The following CUX2 variants were observed in gnomAD, a reference collection of about 807,000 sequenced individuals.
CUX2 encodes homeobox protein cut-like 2.
Under a neutral mutation model 144.8 loss-of-function variants are expected in CUX2, and 40 were observed. The observed-to-expected ratio is 0.28, with a 90% CI of 0.21 to 0.36. CUX2 has a LOEUF of 0.36. CUX2 is among the 10% of genes least tolerant of loss of function. The probability of loss-of-function intolerance (pLI) is 1.00; values close to 1 mark genes in which losing one functional copy is unlikely to be tolerated. For missense variants in CUX2, 1,615 were observed against 1,994.0 expected (o/e 0.81, Z 3.62); for synonymous variants, 827 against 875.6 (o/e 0.94, Z 0.98).
chr12:111,291,578 T>C (rs754253998), intron 5 of CUX2, 26 bp downstream of exon 5: 12 of 1,556,662 alleles, frequency 7.7e-6, no homozygotes, highest in Non-Finnish European at 1.0e-5. Context: ...TCTCGGAGCG[T>C]CTACAATAAA....
intron 18 of CUX2, among the ~76,000 whole-genome samples, chr12:111,327,211 G>T (rs964001135): frequency 6.6e-6 from 1 of 152,094 alleles, no homozygotes; most frequent in Non-Finnish European, 1.5e-5. Flanking sequence ...TTCAGTTAAC[G>T]TGTTTTCAAG....
At chr12:111,247,964 T>C (rs112507001) in intron 3 of CUX2, among the ~76,000 whole-genome samples, 262 of 152,360 alleles carry the variant, frequency 1.7e-3, no homozygotes, top group African/African-American at 6.0e-3. Flanking sequence ...TAGAGTGCAG[T>C]GGTGCAATCT....
At chr12:111,169,837 CAG>C (rs1178173941) in intron 1 of CUX2, among the ~76,000 whole-genome samples, 8 of 152,146 alleles carry the variant, frequency 5.3e-5, no homozygotes, top group African/African-American at 1.9e-4. Context: ...CGATTACACA[CAG>C]AGACGTGGTT....
At chr12:111,335,449 G>A (rs1034535111) in intron 19 of CUX2, among the ~76,000 whole-genome samples, 4 of 150,790 alleles carry the variant, frequency 2.7e-5, no homozygotes, top group Admixed American at 1.3e-4. Flanking sequence ...GGTGCCTCAC[G>A]CCTGTAACCT....
chr12:111,213,476 A>T (rs12297115), intron 1 of CUX2, among the ~76,000 whole-genome samples: 9,020 of 152,174 alleles, frequency 0.059, 885 homozygotes, highest in African/African-American at 0.21. Flanking sequence ...ATCCTATAAA[A>T]ACCTGGTCTG....
intron 1 of CUX2, among the ~76,000 whole-genome samples, chr12:111,105,388 C>T (rs181655871): frequency 1.4e-4 from 21 of 152,298 alleles, no homozygotes; most frequent in Admixed American, 9.8e-4. Flanking sequence ...GATTTCTGTC[C>T]GCCTCCTCCC....
At chr12:111,092,487 A>G (rs1872608283) in intron 1 of CUX2, among the ~76,000 whole-genome samples, 1 of 152,196 alleles carries the variant, frequency 6.6e-6, no homozygotes, top group Non-Finnish European at 1.5e-5. Context: ...TTGGGAAGAC[A>G]TCACTGTGGG....
At chr12:111,188,280 G>T (rs560471858) in intron 1 of CUX2, among the ~76,000 whole-genome samples, 4 of 152,364 alleles carry the variant, frequency 2.6e-5, no homozygotes, top group Non-Finnish European at 5.9e-5. Context: ...AATGGCGGAG[G>T]AAGAGGACGA....
chr12:111,241,824 A>G lies in CUX2; in HGVS notation c.223-21937A>G, dbSNP rs536343068. ...CACCCCTGACAGCGTGACACTTTAC[A>G]AAACTCAGCCTTCAGCTATGCAGTC... On this transcript the variant is annotated intron_variant, in intron 3 of 21. Coordinates refer to ENST00000261726, the MANE Select transcript of CUX2 (RefSeq NM_015267.4). Among the ~76,000 whole-genome samples, 4 of 152,394 alleles carry G rather than the reference A, an allele frequency of 2.6e-5. No individual in the cohort carries two copies. In the East Asian group the frequency reaches 7.7e-4, roughly 29 times the overall value.
At chr12:111,127,876 T>C (rs1430409300) in intron 1 of CUX2, among the ~76,000 whole-genome samples, 2 of 152,202 alleles carry the variant, frequency 1.3e-5, no homozygotes, top group Admixed American at 6.5e-5. Context: ...TTCCCACTTA[T>C]AAAACCATCA....
At chr12:111,329,201 C>T (rs980632103) in intron 18 of CUX2, among the ~76,000 whole-genome samples, 3 of 151,164 alleles carry the variant, frequency 2.0e-5, no homozygotes, top group African/African-American at 4.9e-5. Context: ...TAAGGAAAGT[C>T]GCGGGCAGAC....
At chr12:111,047,900 T>G (rs1870076684) in intron 1 of CUX2, among the ~76,000 whole-genome samples, 1 of 152,134 alleles carries the variant, frequency 6.6e-6, no homozygotes, top group African/African-American at 2.4e-5. Context: ...TAGGTGACAT[T>G]TAGGCTGAGA....
chr12:111,099,559 G>A (rs1379790870), intron 1 of CUX2: 1 of 456,718 alleles, frequency 2.2e-6, no homozygotes, highest in South Asian at 1.5e-5. Flanking sequence ...GGGCAGACCT[G>A]CCATTTGAAA....
At chr12:111,100,706 T>C (rs1873170615) in intron 1 of CUX2, among the ~76,000 whole-genome samples, 1 of 152,238 alleles carries the variant, frequency 6.6e-6, no homozygotes, top group African/African-American at 2.4e-5. Context: ...TTTGCATGTG[T>C]GTGCTACATA....
intron 3 of CUX2, among the ~76,000 whole-genome samples, chr12:111,239,904 T>G (rs2136257296): frequency 6.6e-6 from 1 of 152,258 alleles, no homozygotes; most frequent in East Asian, 1.9e-4. Flanking sequence ...CCTGGGGTCC[T>G]CCACAAAGAC....
chr12:111,285,228 A>G (rs1470811742), intron 4 of CUX2, among the ~76,000 whole-genome samples: 1 of 152,168 alleles, frequency 6.6e-6, no homozygotes, highest in Non-Finnish European at 1.5e-5. Context: ...CTGCAAAACT[A>G]TCAGGCACGA....
At chr12:111,234,897 T>G (rs1403239964) in intron 3 of CUX2, among the ~76,000 whole-genome samples, 1 of 152,034 alleles carries the variant, frequency 6.6e-6, no homozygotes, top group Non-Finnish European at 1.5e-5. Flanking sequence ...TTTTGTATTT[T>G]TAGTAAAGAT....
At chr12:111,214,402 A>G in intron 2 of CUX2, 92 bp downstream of exon 2, 1 of 718,194 alleles carries the variant, frequency 1.4e-6, no homozygotes. Context: ...GATGCAAGTG[A>G]CTAACAAGAA....
chr12:111,167,051 C>A (rs1878193140), intron 1 of CUX2, among the ~76,000 whole-genome samples: 1 of 152,106 alleles, frequency 6.6e-6, no homozygotes, highest in African/African-American at 2.4e-5. Context: ...GACAGGCTGG[C>A]AGGGAGAGCG....
Sources: allele counts gnomAD v4.1 joint callset (sites outside exome capture counted in the v4.1 genomes callset), GRCh38; gene constraint gnomAD v4.1.1; transcripts MANE v1.5; gene names NCBI Gene and HGNC (gene_info 2026-07-23, HGNC 2026-07-21).